The following KCNH5 variants were observed in gnomAD, a reference collection of about 807,000 sequenced individuals.
The protein encoded by KCNH5 is potassium voltage-gated channel subfamily H member 5, also known as voltage-gated delayed rectifier potassium channel KCNH5.
KCNH5 carries 46 observed loss-of-function variants against 96.1 expected under a neutral mutation model. The observed-to-expected ratio is 0.48, with a 90% CI of 0.38 to 0.61. The LOEUF (loss-of-function observed/expected upper bound fraction) is 0.61. Ranked by LOEUF, KCNH5 falls within the 20% of genes least tolerant of loss-of-function variation. KCNH5 has a pLI of 0.00. For synonymous variants in KCNH5, 439 were observed against 449.8 expected (o/e 0.98, Z 0.30); for missense variants, 907 against 1,225.8 (o/e 0.74, Z 3.88).
At chr14:63,036,999 G>A (rs1022780963) in intron 1 of KCNH5, among the ~76,000 whole-genome samples, 4 of 152,086 alleles carry the variant, frequency 2.6e-5, no homozygotes, top group Admixed American at 2.6e-4. Flanking sequence ...GTTGAAAAGA[G>A]GTGCAGAAGG....
rs112112770 is a variant in KCNH5, at chr14:62,701,233, C to T, written c.*6275G>A. The T allele has an allele frequency of 2.4e-4, 37 of 152,122 alleles. 1 individual carries two copies. The highest frequency in any genetic ancestry group is 8.4e-4 in the African/African-American group (35 of 41,508). The allele number at this position is 152,122 out of a possible 1,614,324, so 9.4% of individuals were successfully genotyped here. A position where few individuals can be genotyped will look rare whatever the true frequency, so the allele number is the denominator to read the frequency against. On this transcript the variant is annotated 3_prime_UTR_variant, in exon 11 of 11. Coordinates refer to ENST00000322893, the MANE Select transcript of KCNH5 (RefSeq NM_139318.5). ...GAGAACACTTATTTCTAAAGAAGGC[C>T]CCAGCATTTGACAAGCTTTCAAACT...
At position 62,733,391 on chromosome 14, in the gene KCNH5, T is replaced by C. The variant is rs1885091749; in HGVS notation, c.2020-24936A>G. On this transcript the variant is annotated intron_variant, in intron 10 of 10. Transcript: ENST00000322893. Reference sequence around the variant, plus strand: ...TCTACCATATAAGGATACAATGAGATGACAGTCATCACAAACCAGGAAACA... The same window carrying C: ...TCTACCATATAAGGATACAATGAGACGACAGTCATCACAAACCAGGAAACA... Among the ~76,000 whole-genome samples the C allele has an allele frequency of 2.6e-5, 4 of 152,084 alleles. No individual in the cohort carries two copies. In the South Asian group the frequency reaches 8.3e-4, roughly 32 times the overall value.
At chr14:62,989,737 G>A (rs1890775627) in intron 4 of KCNH5, among the ~76,000 whole-genome samples, 1 of 151,960 alleles carries the variant, frequency 6.6e-6, no homozygotes, top group Non-Finnish European at 1.5e-5. Flanking sequence ...TTGAAACAAG[G>A]CCTGGCATAA....
Position 62,707,689 on chromosome 14 carries a change from G to A in KCNH5, c.2786C>T (p.Thr929Ile), listed in dbSNP as rs368604595. Residue 929 changes from threonine (T) to isoleucine (I), a missense_variant, in exon 11 of 11, where the codon ACT becomes ATT. Transcript: ENST00000322893. ...EDIQLLSCRMTALEKQVAEIL... is the reference protein window; with the variant it reads ...EDIQLLSCRMIALEKQVAEIL... ...TTCTGCCACCTGCTTTTCTAGGGCA[G>A]TCATTCTGCAGCTGAGCAGCTGGAT... 6.3e-7 allele frequency: 1 copy of A among 1,596,632 alleles called. No individual in the cohort carries two copies. Among genetic ancestry groups the A allele is most frequent in the Admixed American group, 1.7e-5 (1 of 59,334 alleles).
intron 7 of KCNH5, among the ~76,000 whole-genome samples, chr14:62,924,706 A>T (rs1278988355): frequency 6.6e-6 from 1 of 152,004 alleles, no homozygotes; most frequent in Non-Finnish European, 1.5e-5. Context: ...TAAGTGAAAC[A>T]AGCCAGGCAC....
At chr14:62,894,337 AC>A (rs1566698482) in intron 7 of KCNH5, among the ~76,000 whole-genome samples, 1 of 152,190 alleles carries the variant, frequency 6.6e-6, no homozygotes, top group Non-Finnish European at 1.5e-5. Context: ...AGAGATCTAT[AC>A]TCCTATGGAC....
chr14:62,847,154 T>A (rs1055028834), intron 8 of KCNH5, among the ~76,000 whole-genome samples: 2 of 146,708 alleles, frequency 1.4e-5, no homozygotes, highest in Non-Finnish European at 3.0e-5. Context: ...ATATATTTTT[T>A]ATATATATAT....
chr14:62,730,974 G>A (rs1885036134), intron 10 of KCNH5, among the ~76,000 whole-genome samples: 1 of 152,108 alleles, frequency 6.6e-6, no homozygotes, highest in African/African-American at 2.4e-5. Flanking sequence ...GCATTTGTAG[G>A]ATATTGAAAA....
chr14:62,854,586 T>G (rs1434230457), intron 7 of KCNH5, among the ~76,000 whole-genome samples: 4 of 152,130 alleles, frequency 2.6e-5, no homozygotes, highest in Non-Finnish European at 5.9e-5. Context: ...CTTACATTAT[T>G]TTACCTTTTA....
chr14:62,838,769 T>C (rs943350821), intron 8 of KCNH5, among the ~76,000 whole-genome samples: 1 of 152,168 alleles, frequency 6.6e-6, no homozygotes, highest in African/African-American at 2.4e-5. Flanking sequence ...TTTAACCTCT[T>C]ACAGCCCAGT....
rs112731796 is a variant in KCNH5, at chr14:62,708,372, G to A, written c.2103C>T (p.Pro701=). The A allele has an allele frequency of 3.7e-5, 59 of 1,613,776 alleles. No homozygotes were observed. Among genetic ancestry groups the A allele is most frequent in the African/African-American group, 2.9e-4 (22 of 75,018 alleles). ...AGAGCTTTCTGACTGGGTGGTCCACGGGAATGCTGAGGGTCACCTCATTCT... is the reference window on the plus strand; with the variant it reads ...AGAGCTTTCTGACTGGGTGGTCCACAGGAATGCTGAGGGTCACCTCATTCT... ...RQKNEVTLSI[P]VDHPVRKLFQ... Residue 701 remains proline, a synonymous_variant, in exon 11 of 11, where the codon CCC becomes CCT. Coordinates refer to ENST00000322893, the MANE Select transcript of KCNH5 (RefSeq NM_139318.5).
chr14:62,909,235 C>T (rs919050191), intron 7 of KCNH5, among the ~76,000 whole-genome samples: 25 of 150,468 alleles, frequency 1.7e-4, no homozygotes, highest in African/African-American at 6.1e-4. Context: ...TTAGTAGAGA[C>T]GGGGTTTCAC....
chr14:62,746,859 A>G (rs1885386316), intron 10 of KCNH5, among the ~76,000 whole-genome samples: 1 of 152,202 alleles, frequency 6.6e-6, no homozygotes, highest in African/African-American at 2.4e-5. Flanking sequence ...TTCTTCCCCT[A>G]TCAGTGGCCT....
intron 1 of KCNH5, among the ~76,000 whole-genome samples, chr14:63,044,328 T>C (rs1219752876): frequency 6.6e-6 from 1 of 152,226 alleles, no homozygotes; most frequent in East Asian, 1.9e-4. Context: ...AATGAATGTA[T>C]AAATGGATGG....
chr14:63,009,633 C>T (rs761226708), intron 2 of KCNH5, among the ~76,000 whole-genome samples: 5 of 152,118 alleles, frequency 3.3e-5, no homozygotes, highest in Non-Finnish European at 7.4e-5. Context: ...CAGAAATGTA[C>T]TATCTATCTA....
At chr14:62,857,251 G>C (rs1887947919) in intron 7 of KCNH5, among the ~76,000 whole-genome samples, 1 of 152,148 alleles carries the variant, frequency 6.6e-6, no homozygotes, top group Non-Finnish European at 1.5e-5. Flanking sequence ...GAAATGGAGA[G>C]AGGAAGAGGA....
chr14:62,754,741 G>C (rs903303355), intron 10 of KCNH5, among the ~76,000 whole-genome samples: 1 of 151,758 alleles, frequency 6.6e-6, no homozygotes, highest in African/African-American at 2.4e-5. Flanking sequence ...CAAGCATGGG[G>C]GTGTGTGGCT....
intron 7 of KCNH5, among the ~76,000 whole-genome samples, chr14:62,893,792 C>T (rs773994062): frequency 1.3e-5 from 2 of 152,130 alleles, no homozygotes; most frequent in Non-Finnish European, 2.9e-5. Flanking sequence ...CAAGCAGCAG[C>T]AGGATTTGAA....
At chr14:63,044,283 T>C (rs562218244) in intron 1 of KCNH5, among the ~76,000 whole-genome samples, 1 of 152,188 alleles carries the variant, frequency 6.6e-6, no homozygotes, top group Non-Finnish European at 1.5e-5. Context: ...AATGTGGAAA[T>C]ATATAACCAT....
Sources: gnomAD v4.1 joint callset for allele counts (sites outside exome capture counted in the v4.1 genomes callset) on GRCh38, gnomAD v4.1.1 for gene constraint, MANE v1.5 for transcripts, NCBI Gene and HGNC (gene_info 2026-07-23, HGNC 2026-07-21) for gene names.